The following SGCZ variants were observed in gnomAD, a reference collection of about 807,000 sequenced individuals.
SGCZ encodes the protein zeta-sarcoglycan.
SGCZ carries 40 observed loss-of-function variants against 41.3 expected under a neutral mutation model. The ratio of observed to expected loss-of-function variants is 0.97; its 90% CI spans 0.75 to 1.26. The LOEUF is 1.26. SGCZ is among the 50% of genes most tolerant of loss of function. The pLI is 0.00. For synonymous variants in SGCZ, 206 were observed against 137.5 expected (o/e 1.50, Z -3.49); for missense variants, 552 against 369.8 (o/e 1.49, Z -4.04).
chr8:14,302,025 A>C (rs1277997662), intron 3 of SGCZ, among the ~76,000 whole-genome samples: 4 of 152,202 alleles, frequency 2.6e-5, no homozygotes, highest in African/African-American at 9.6e-5. Flanking sequence ...ACTGATTTAC[A>C]AAGAATACTT....
Position 15,176,396 on chromosome 8 carries a change from T to C in SGCZ, c.39+61189A>G, listed in dbSNP as rs1465699365. On this transcript the variant is annotated intron_variant, in intron 1 of 7. Transcript: ENST00000382080. ...TTCAATAGAAGATAGTGCATGTCTA[T>C]AAATACTTGGCATTTGACGGCAAAT... Among the ~76,000 whole-genome samples, 51 of 152,216 alleles carry C rather than the reference T, an allele frequency of 3.4e-4. 1 individual carries two copies. Among genetic ancestry groups the C allele is most frequent in the Admixed American group, 3.3e-3 (50 of 15,284 alleles).
chr8:14,684,398 C>G (rs1204317105), intron 1 of SGCZ, among the ~76,000 whole-genome samples: 2 of 152,124 alleles, frequency 1.3e-5, no homozygotes, highest in African/African-American at 4.8e-5. Context: ...TTCGTTACAT[C>G]ACATTTCATA....
intron 3 of SGCZ, among the ~76,000 whole-genome samples, chr8:14,307,723 A>ATT (rs1187684988): frequency 1.3e-5 from 2 of 152,062 alleles, no homozygotes; most frequent in African/African-American, 2.4e-5. Flanking sequence ...CAAAGTGGTG[A>ATT]TTTTTTTCAT....
intron 1 of SGCZ, among the ~76,000 whole-genome samples, chr8:15,208,248 G>A (rs1252260625): frequency 6.6e-6 from 1 of 152,118 alleles, no homozygotes; most frequent in Non-Finnish European, 1.5e-5. Flanking sequence ...ATCAGAACCA[G>A]GCTAGTGATG....
intron 1 of SGCZ, among the ~76,000 whole-genome samples, chr8:14,748,084 G>A (rs182469915): frequency 6.6e-6 from 1 of 151,954 alleles, no homozygotes; most frequent in South Asian, 2.1e-4. Context: ...TACGTGGCAT[G>A]TAAGAATCAC....
intron 1 of SGCZ, among the ~76,000 whole-genome samples, chr8:15,236,792 G>A (rs1802139598): frequency 6.6e-6 from 1 of 152,184 alleles, no homozygotes; most frequent in South Asian, 2.1e-4. Flanking sequence ...GACCCCAGAG[G>A]GAGAGGGCGC....
intron 1 of SGCZ, among the ~76,000 whole-genome samples, chr8:14,624,167 A>G (rs1000194469): frequency 6.6e-6 from 1 of 152,166 alleles, no homozygotes; most frequent in African/African-American, 2.4e-5. Flanking sequence ...TGCAGGGTCA[A>G]TGCAGACACA....
intron 4 of SGCZ, among the ~76,000 whole-genome samples, chr8:14,200,507 C>A (rs906674269): frequency 2.0e-5 from 3 of 152,056 alleles, no homozygotes; most frequent in African/African-American, 7.2e-5. Context: ...ACTGACCAAT[C>A]GACCAATAGG....
At chr8:14,175,527 C>T (rs1045526482) in intron 4 of SGCZ, among the ~76,000 whole-genome samples, 1 of 152,038 alleles carries the variant, frequency 6.6e-6, no homozygotes, top group Non-Finnish European at 1.5e-5. Context: ...TATCCCCAAC[C>T]ATCTTAAGAT....
intron 7 of SGCZ, among the ~76,000 whole-genome samples, chr8:14,101,954 T>C (rs1026069797): frequency 2.0e-5 from 3 of 151,616 alleles, no homozygotes; most frequent in African/African-American, 7.3e-5. Context: ...AGTGCAGTGG[T>C]ATGAAGCAAG....
chr8:14,964,930 C>A (rs1353498208), intron 1 of SGCZ, among the ~76,000 whole-genome samples: 1 of 152,062 alleles, frequency 6.6e-6, no homozygotes, highest in African/African-American at 2.4e-5. Context: ...ACCTGGTGAA[C>A]CCTAAGGCCA....
intron 1 of SGCZ, among the ~76,000 whole-genome samples, chr8:14,612,401 G>T (rs1025021955): frequency 6.6e-6 from 1 of 152,168 alleles, no homozygotes; most frequent in Non-Finnish European, 1.5e-5. Flanking sequence ...CTTCTGCCGT[G>T]ATTGTAAGTT....
At chr8:14,103,291 CAA>C (rs1480802703) in intron 6 of SGCZ, among the ~76,000 whole-genome samples, 1 of 141,690 alleles carries the variant, frequency 7.1e-6, no homozygotes, top group Non-Finnish European at 1.6e-5. Context: ...AAATGACACA[CAA>C]CACAGGAACT....
chr8:14,622,765 G>T (rs972999255), intron 1 of SGCZ, among the ~76,000 whole-genome samples: 1 of 152,240 alleles, frequency 6.6e-6, no homozygotes, highest in African/African-American at 2.4e-5. Flanking sequence ...AAGACTAAGG[G>T]TGCCAATAAT....
intron 2 of SGCZ, among the ~76,000 whole-genome samples, chr8:14,443,469 A>T (rs1196536720): frequency 2.6e-5 from 4 of 152,148 alleles, no homozygotes; most frequent in African/African-American, 4.8e-5. Flanking sequence ...AGAGATATAG[A>T]TCAATGGAAC....
At chr8:15,137,591 G>C (rs1023179503) in intron 1 of SGCZ, among the ~76,000 whole-genome samples, 1 of 152,158 alleles carries the variant, frequency 6.6e-6, no homozygotes. Context: ...AGATGCTCCA[G>C]ACTTGGCTAA....
At chr8:14,834,938 A>T (rs977445382) in intron 1 of SGCZ, among the ~76,000 whole-genome samples, 33 of 152,298 alleles carry the variant, frequency 2.2e-4, no homozygotes, top group African/African-American at 7.0e-4. Flanking sequence ...CTTCAGAACT[A>T]CGATAATGCA....
chr8:14,864,166 C>T (rs966085873), intron 1 of SGCZ, among the ~76,000 whole-genome samples: 1 of 152,152 alleles, frequency 6.6e-6, no homozygotes, highest in Admixed American at 6.6e-5. Context: ...CAGCAATAGT[C>T]ACCATGTATT....
At chr8:15,195,815 G>C (rs1270640643) in intron 1 of SGCZ, among the ~76,000 whole-genome samples, 3 of 151,122 alleles carry the variant, frequency 2.0e-5, no homozygotes, top group Non-Finnish European at 4.4e-5. Flanking sequence ...TATGTTTATA[G>C]CAAATGAGAC....
Sources: gnomAD v4.1 joint callset for allele counts (sites outside exome capture counted in the v4.1 genomes callset) on GRCh38, gnomAD v4.1.1 for gene constraint, MANE v1.5 for transcripts, NCBI Gene and HGNC (gene_info 2026-07-23, HGNC 2026-07-21) for gene names.